The following PDLIM4 variants were observed in gnomAD, a reference collection of about 807,000 sequenced individuals.
The protein encoded by PDLIM4 is PDZ and LIM domain 4, also known as PDZ and LIM domain protein 4.
In PDLIM4, 19 loss-of-function variants were observed where a neutral mutation model predicts 31.3. That is an observed-to-expected ratio of 0.61 (90% CI 0.42 to 0.89). The LOEUF (loss-of-function observed/expected upper bound fraction) is 0.89, where lower values mean the gene tolerates loss of function less well. Among genes scored for constraint, PDLIM4 ranks in the 40% least tolerant of loss-of-function variants. The pLI is 0.00. For missense variants in PDLIM4, 442 were observed against 461.1 expected (o/e 0.96, Z 0.38); for synonymous variants, 176 against 190.1 (o/e 0.93, Z 0.61).
chr5:132,266,817 G>A, intron 3 of PDLIM4: 1 of 332,084 alleles, frequency 3.0e-6, no homozygotes, highest in Admixed American at 4.9e-5. Context: ...CTAGGCCTTG[G>A]TTTGCGGCTA....
intron 2 of PDLIM4, among the ~76,000 whole-genome samples, chr5:132,263,331 G>T (rs993935815): frequency 1.3e-5 from 2 of 152,046 alleles, no homozygotes; most frequent in African/African-American, 4.8e-5. Flanking sequence ...CCCCTCAGCT[G>T]CCCTGCCACA....
At chr5:132,265,962 G>GGCA (rs1756483002) in intron 2 of PDLIM4, among the ~76,000 whole-genome samples, 1 of 152,144 alleles carries the variant, frequency 6.6e-6, no homozygotes, top group Non-Finnish European at 1.5e-5. Context: ...TGACTCTGCC[G>GGCA]GCAGCAGCAG....
intron 2 of PDLIM4, among the ~76,000 whole-genome samples, chr5:132,263,453 G>A (rs1022295294): frequency 6.6e-6 from 1 of 151,832 alleles, no homozygotes; most frequent in African/African-American, 2.4e-5. Context: ...GAGGACAGGG[G>A]GTTACCAAGC....
At position 132,271,473 on chromosome 5, in the gene PDLIM4, C is replaced by A; in HGVS notation, c.670+7C>A. ...CTAGAGGCCGGCGAGGGCGGTAAGACGCCTGCCACCTGTCCCCATCTGCCT... is the reference window on the plus strand; with the variant it reads ...CTAGAGGCCGGCGAGGGCGGTAAGAAGCCTGCCACCTGTCCCCATCTGCCT... On this transcript the variant is annotated splice_region_variant and intron_variant, in intron 5 of 6. Transcript: ENST00000253754. 6.2e-7 allele frequency: 1 copy of A among 1,607,154 alleles called. No individual in the cohort carries two copies. The highest frequency in any genetic ancestry group is 2.2e-5 in the East Asian group (1 of 44,862).
chr5:132,262,680 G>C lies in PDLIM4; in HGVS notation c.165G>C (p.Glu55Asp). 1 of 1,613,268 alleles carries C rather than the reference G, an allele frequency of 6.2e-7. No individual in the cohort carries two copies. Among genetic ancestry groups the C allele is most frequent in the Non-Finnish European group, 8.5e-7 (1 of 1,179,596 alleles). The part of the protein sequence containing the change: ...PGDLIQAING[E>D]STELMTHLEA... ...ACCTGATCCAGGCCATCAATGGTGAGAGCACAGAGCTCATGACACACCTGG... is the reference window on the plus strand; with the variant it reads ...ACCTGATCCAGGCCATCAATGGTGACAGCACAGAGCTCATGACACACCTGG... The change falls in exon 2 of 7, where the codon GAG becomes GAC. Residue 55 changes from glutamate (E) to aspartate (D), a missense_variant. Physicochemically the swap from Glu to Asp is conservative, Grantham distance 45. Coordinates refer to ENST00000253754, the MANE Select transcript of PDLIM4 (RefSeq NM_003687.4).
intron 2 of PDLIM4, among the ~76,000 whole-genome samples, chr5:132,263,051 G>T (rs1756412045): frequency 8.5e-6 from 1 of 117,484 alleles, no homozygotes; most frequent in East Asian, 2.0e-4. Flanking sequence ...AGCCTCTGGG[G>T]CATTTGTTTC....
At chr5:132,264,340 A>G (rs1046189423) in intron 2 of PDLIM4, among the ~76,000 whole-genome samples, 10 of 152,106 alleles carry the variant, frequency 6.6e-5, no homozygotes, top group African/African-American at 2.4e-4. Context: ...CCAAAATGTC[A>G]CTGGCCATGG....
rs1395560620 is a variant in PDLIM4, at chr5:132,271,917, C to G, written c.788+9C>G. On this transcript the variant is annotated intron_variant, in intron 6 of 6. Transcript: ENST00000253754. ...TGCGGCCACGGCATCGTGTGAGTAA[C>G]CGCCCCCGCTGCCCCTCCCGGACCC... 1 of 1,598,574 alleles carries G rather than the reference C, an allele frequency of 6.3e-7. No homozygotes were observed. The highest frequency in any genetic ancestry group is 8.6e-7 in the Non-Finnish European group (1 of 1,168,176).
chr5:132,260,890 G>A (rs1206341619), intron 1 of PDLIM4, among the ~76,000 whole-genome samples: 3 of 152,222 alleles, frequency 2.0e-5, no homozygotes, highest in Non-Finnish European at 4.4e-5. Flanking sequence ...AGCCACCACT[G>A]CTTTCAAGAA....
chr5:132,257,808 C>T lies in PDLIM4; in HGVS notation c.74C>T (p.Ala25Val), dbSNP rs1169450234. 2.7e-6 allele frequency: 4 copies of T among 1,501,814 alleles called. No homozygotes were observed. The highest frequency in any genetic ancestry group is 3.5e-6 in the Non-Finnish European group (4 of 1,129,024). 93.0% of individuals were successfully genotyped at this position (1,501,814 alleles called of 1,614,324 possible). The change falls in exon 1 of 7, where the codon GCG becomes GTG. Residue 25 changes from alanine to valine, a missense_variant. Physicochemically the swap from Ala to Val is moderately conservative, Grantham distance 64. Coordinates refer to ENST00000253754, the MANE Select transcript of PDLIM4 (RefSeq NM_003687.4). The surrounding 1 kb of genome is among the most constrained non-coding windows in gnomAD (Gnocchi z 4.3). ...CTGGTGGGCGGCCGGGACTTCAGCG[C>T]GCCCCTCACCATCTCACGGGTGAGT... ...FRLVGGRDFS[A>V]PLTISRVHAG...
At chr5:132,261,342 G>A (rs1027759489) in intron 1 of PDLIM4, 15 of 152,344 alleles carry the variant, frequency 9.8e-5, no homozygotes, top group Admixed American at 9.8e-4. Context: ...CTTCAGGGCA[G>A]GTCAGCTTGG....
rs1756648170 is a variant in PDLIM4 at position 132,272,369 on chromosome 5, T to C, written c.*140T>C. On this transcript the variant is annotated 3_prime_UTR_variant, in exon 7 of 7. Coordinates refer to ENST00000253754, the MANE Select transcript of PDLIM4 (RefSeq NM_003687.4). ...GCCTGCCACCCTCCTGCGCAGGCCA[T>C]GCATGGCTCCCGAGTACAGTAGTAT... The C allele has an allele frequency of 2.9e-6, 2 of 701,334 alleles. No homozygotes were observed. The highest frequency in any genetic ancestry group is 1.8e-5 in the African/African-American group (1 of 57,074). The allele number at this position is 701,334 out of a possible 1,614,324, so 43.4% of individuals were successfully genotyped here.
intron 1 of PDLIM4, among the ~76,000 whole-genome samples, chr5:132,258,227 A>G (rs1237997914): frequency 6.6e-6 from 1 of 152,172 alleles, no homozygotes; most frequent in Non-Finnish European, 1.5e-5. Flanking sequence ...CCCTTCCCCT[A>G]TCAGGGGTCC....
chr5:132,264,163 T>G (rs1006998598), intron 2 of PDLIM4, among the ~76,000 whole-genome samples: 1 of 152,178 alleles, frequency 6.6e-6, no homozygotes, highest in Non-Finnish European at 1.5e-5. Context: ...AGAGGGGGCC[T>G]GAGTCAGGAG....
rs1022073002 is a variant in PDLIM4 at position 132,272,607 on chromosome 5, G to T, written c.*378G>T. On this transcript the variant is annotated 3_prime_UTR_variant, in exon 7 of 7. Transcript: ENST00000253754. The stretch of plus-strand genomic sequence containing the variant: ...TGGGGTCAGGGAAAGTCTTAGCTGA[G>T]AACTAAGAGATGAGGGAGGCACAAA... 2 of 311,090 alleles carry T rather than the reference G, an allele frequency of 6.4e-6. No homozygotes were observed. The highest frequency in any genetic ancestry group is 1.3e-5 in the Non-Finnish European group (2 of 158,640). 19.3% of individuals were successfully genotyped at this position (311,090 alleles called of 1,614,324 possible).
intron 1 of PDLIM4, 29 bp from the exon 2 acceptor site, chr5:132,262,580 G>A (rs1434847245): frequency 6.3e-7 from 1 of 1,577,442 alleles, no homozygotes. Flanking sequence ...TCATGACTGT[G>A]CCCAGCCATC....
At chr5:132,267,184 C>T (rs1756509728) in intron 3 of PDLIM4, among the ~76,000 whole-genome samples, 1 of 152,206 alleles carries the variant, frequency 6.6e-6, no homozygotes, top group African/African-American at 2.4e-5. Context: ...CCAGAGCCAT[C>T]TCTGGGCCAC....
At chr5:132,264,133 G>A (rs1206279497) in intron 2 of PDLIM4, among the ~76,000 whole-genome samples, 3 of 152,206 alleles carry the variant, frequency 2.0e-5, no homozygotes, top group Non-Finnish European at 4.4e-5. Flanking sequence ...TGGTAGTGGA[G>A]TAGTGGGGAG....
rs747266919 is a variant in PDLIM4 at position 132,272,559 on chromosome 5, G to A, written c.*330G>A. On this transcript the variant is annotated 3_prime_UTR_variant, in exon 7 of 7. Coordinates refer to ENST00000253754, the MANE Select transcript of PDLIM4 (RefSeq NM_003687.4). The stretch of plus-strand genomic sequence containing the variant: ...AGGTCTGGGATGCTGCGTGCGGCGC[G>A]ACGACAGGAGGTATGACCTGGGTGG... 6 of 387,960 alleles carry A rather than the reference G, an allele frequency of 1.5e-5. No individual in the cohort carries two copies. Among genetic ancestry groups the A allele is most frequent in the Non-Finnish European group, 2.5e-5 (5 of 203,538 alleles). 24.0% of individuals were successfully genotyped at this position (387,960 alleles called of 1,614,324 possible). A position where few individuals can be genotyped will look rare whatever the true frequency, so the allele number is the denominator to read the frequency against.
Sources: allele counts gnomAD v4.1 joint callset (sites outside exome capture counted in the v4.1 genomes callset), GRCh38; gene constraint gnomAD v4.1.1; non-coding constraint Gnocchi (gnomAD v3.1); transcripts MANE v1.5; gene names NCBI Gene and HGNC (gene_info 2026-07-23, HGNC 2026-07-21).